The following GRM8 variants were observed in gnomAD, a reference collection of about 807,000 sequenced individuals.
GRM8 encodes glutamate metabotropic receptor 8, also known as metabotropic glutamate receptor 8.
Under a neutral mutation model 87.2 loss-of-function variants are expected in GRM8, and 47 were observed. That is an observed-to-expected ratio of 0.54 (90% CI 0.43 to 0.69). The LOEUF (loss-of-function observed/expected upper bound fraction) is 0.69, where lower values mean the gene tolerates loss of function less well. GRM8 is among the 30% of genes least tolerant of loss of function. The pLI is 0.00. For synonymous variants in GRM8, 396 were observed against 404.5 expected (o/e 0.98, Z 0.25); for missense variants, 1,019 against 1,139.2 (o/e 0.89, Z 1.52).
chr7:126,582,689 G>A (rs1305209721), intron 8 of GRM8, among the ~76,000 whole-genome samples: 3 of 152,046 alleles, frequency 2.0e-5, no homozygotes, highest in Non-Finnish European at 2.9e-5. Context: ...ACTTTAAATC[G>A]AATCCAATGC....
chr7:126,479,151 A>T (rs1487366767), intron 9 of GRM8, among the ~76,000 whole-genome samples: 2 of 152,112 alleles, frequency 1.3e-5, no homozygotes, highest in Non-Finnish European at 2.9e-5. Flanking sequence ...CTTCACAAGC[A>T]AATGAAATGA....
At chr7:126,858,440 C>T (rs1381286143) in intron 6 of GRM8, among the ~76,000 whole-genome samples, 1 of 152,172 alleles carries the variant, frequency 6.6e-6, no homozygotes, top group African/African-American at 2.4e-5. Flanking sequence ...ACCTGTCTCC[C>T]TCACACAGGA....
intron 3 of GRM8, among the ~76,000 whole-genome samples, chr7:127,057,927 C>T (rs1820164419): frequency 6.6e-6 from 1 of 152,022 alleles, no homozygotes; most frequent in Non-Finnish European, 1.5e-5. Context: ...TAGAAGGAGC[C>T]ATATACAAAT....
chr7:126,642,659 C>CAAT (rs1007147571), intron 7 of GRM8, among the ~76,000 whole-genome samples: 1 of 151,502 alleles, frequency 6.6e-6, no homozygotes, highest in African/African-American at 2.4e-5. Context: ...ATAATAATAA[C>CAAT]AATAATAATA....
In GRM8 at chr7:127,148,689, C is replaced by G. The variant is rs1171738545; in HGVS notation, c.511-41977G>C. The stretch of plus-strand genomic sequence containing the variant: ...AACAGGAAGAATCTTGGAAAATTCA[C>G]TAATATGTGGAAATTAAATAACATG... On this transcript the variant is annotated intron_variant, in intron 2 of 10. Transcript: ENST00000339582. Among the ~76,000 whole-genome samples, 9 of 152,150 alleles carry G rather than the reference C, an allele frequency of 5.9e-5. No homozygotes were observed. The East Asian group carries it at 1.7e-3, about 29-fold the overall frequency.
intron 6 of GRM8, among the ~76,000 whole-genome samples, chr7:126,809,823 T>C (rs1793125789): frequency 6.6e-6 from 1 of 151,970 alleles, no homozygotes; most frequent in Non-Finnish European, 1.5e-5. Context: ...GCCTTAGGGG[T>C]TCACTAAAGA....
rs1817441813 is a variant in GRM8 at position 126,548,656 on chromosome 7, G to A, written c.1495-14769C>T. 2.0e-5 allele frequency among the ~76,000 whole-genome samples: 3 copies of A among 152,146 alleles called. No individual in the cohort carries two copies. The South Asian group carries it at 6.2e-4, about 32-fold the overall frequency. Reference sequence around the variant, plus strand: ...ACAGGGTTAAAATAGATATAAAGGAGATAATTCCTCATTTCCTATGGTGAG... The same window carrying A: ...ACAGGGTTAAAATAGATATAAAGGAAATAATTCCTCATTTCCTATGGTGAG... On this transcript the variant is annotated intron_variant, in intron 8 of 10. Coordinates refer to ENST00000339582, the MANE Select transcript of GRM8 (RefSeq NM_000845.3).
intron 6 of GRM8, among the ~76,000 whole-genome samples, chr7:126,857,963 A>C (rs1353895975): frequency 6.6e-6 from 1 of 152,134 alleles, no homozygotes; most frequent in Non-Finnish European, 1.5e-5. Context: ...AGGGGAAGGA[A>C]GGATAAAAGG....
At chr7:127,060,531 G>A (rs527418227) in intron 3 of GRM8, among the ~76,000 whole-genome samples, 120 of 152,224 alleles carry the variant, frequency 7.9e-4, no homozygotes, top group African/African-American at 2.8e-3. Context: ...AAATTTGCTT[G>A]AATAAGTGAT....
At chr7:126,695,707 T>G (rs1178261632) in intron 7 of GRM8, among the ~76,000 whole-genome samples, 2 of 152,138 alleles carry the variant, frequency 1.3e-5, no homozygotes, top group Non-Finnish European at 1.5e-5. Context: ...ATTTTGGACT[T>G]TATGCTAAGC....
chr7:127,181,598 C>T (rs1794438380), intron 2 of GRM8, among the ~76,000 whole-genome samples: 1 of 152,050 alleles, frequency 6.6e-6, no homozygotes, highest in South Asian at 2.1e-4. Context: ...TCAAACTATA[C>T]TATAAGGCCA....
intron 7 of GRM8, among the ~76,000 whole-genome samples, chr7:126,729,434 G>T (rs148758238): frequency 6.6e-6 from 1 of 152,118 alleles, no homozygotes; most frequent in African/African-American, 2.4e-5. Flanking sequence ...AAAAATTAAG[G>T]CCATGTCGAT....
intron 8 of GRM8, among the ~76,000 whole-genome samples, chr7:126,560,048 G>A (rs1381630340): frequency 6.6e-6 from 1 of 152,198 alleles, no homozygotes; most frequent in African/African-American, 2.4e-5. Flanking sequence ...TAGAGCAGAA[G>A]GCTAAGCTGT....
In GRM8 at chr7:126,609,387, T is replaced by C. The variant is rs1191602452; in HGVS notation, c.1469A>G (p.His490Arg). The change falls in exon 8 of 11, where the codon CAC becomes CGC. Residue 490 changes from histidine to arginine, a missense_variant. By Grantham distance (29) the His-to-Arg change is conservative. Transcript: ENST00000339582. The stretch of plus-strand genomic sequence containing the variant: ...TTTTAGATGAAGCTGATTGGTCCAG[T>C]GGCCGATGACTTTGTACTCTGTGCT... ...NKSTEYKVIGHWTNQLHLKVE... is the reference protein window; with the variant it reads ...NKSTEYKVIGRWTNQLHLKVE... 3 of 1,613,750 alleles carry C rather than the reference T, an allele frequency of 1.9e-6. No homozygotes were observed. Among genetic ancestry groups the C allele is most frequent in the Non-Finnish European group, 2.5e-6 (3 of 1,179,664 alleles).
At chr7:127,236,431 T>A (rs1002872092) in intron 2 of GRM8, among the ~76,000 whole-genome samples, 1 of 152,180 alleles carries the variant, frequency 6.6e-6, no homozygotes, top group African/African-American at 2.4e-5. Context: ...AGGAAACTCA[T>A]AATTATGGCA....
chr7:126,795,031 A>G (rs1821803996), intron 6 of GRM8, among the ~76,000 whole-genome samples: 1 of 152,212 alleles, frequency 6.6e-6, no homozygotes, highest in South Asian at 2.1e-4. Flanking sequence ...TTTCTTTAAC[A>G]TGCTTATAGT....
chr7:127,027,200 GT>G (rs755464402), intron 3 of GRM8, among the ~76,000 whole-genome samples: 11 of 152,110 alleles, frequency 7.2e-5, no homozygotes, highest in Non-Finnish European at 1.6e-4. Context: ...CTATATATCT[GT>G]TTTGGTACCA....
chr7:126,703,570 C>T (rs766662310), intron 7 of GRM8, among the ~76,000 whole-genome samples: 4 of 152,070 alleles, frequency 2.6e-5, no homozygotes, highest in Admixed American at 6.5e-5. Context: ...GCACCTTTTT[C>T]GTTTTTTATA....
At chr7:126,832,268 T>C (rs1359903128) in intron 6 of GRM8, among the ~76,000 whole-genome samples, 1 of 152,024 alleles carries the variant, frequency 6.6e-6, no homozygotes, top group Non-Finnish European at 1.5e-5. Flanking sequence ...TGATCTAGAA[T>C]GACAATAGTA....
Sources: gnomAD v4.1 joint callset for allele counts (sites outside exome capture counted in the v4.1 genomes callset) on GRCh38, gnomAD v4.1.1 for gene constraint, MANE v1.5 for transcripts, NCBI Gene and HGNC (gene_info 2026-07-23, HGNC 2026-07-21) for gene names.